Variants in NEK5 observed in about 807,000 individuals in gnomAD.
NEK5 encodes NIMA related kinase 5.
NEK5 carries 88 observed loss-of-function variants against 109.2 expected under a neutral mutation model. That is an observed-to-expected ratio of 0.81 (90% CI 0.68 to 0.96). The LOEUF (loss-of-function observed/expected upper bound fraction) is 0.96. Among genes scored for constraint, NEK5 ranks in the 40% least tolerant of loss-of-function variants. The probability of loss-of-function intolerance (pLI) is 0.00; values close to 1 mark genes in which losing one functional copy is unlikely to be tolerated. For missense variants in NEK5, 834 were observed against 920.7 expected (o/e 0.91, Z 1.22); for synonymous variants, 283 against 299.9 (o/e 0.94, Z 0.58).
chr13:52,085,507 G>C (rs1955124204), intron 16 of NEK5, among the ~76,000 whole-genome samples: 1 of 152,148 alleles, frequency 6.6e-6, no homozygotes, highest in African/African-American at 2.4e-5. Context: ...GAGAAAGAGA[G>C]AGAGAGATCA....
chr13:52,107,320 C>T (rs1332898094), intron 8 of NEK5, among the ~76,000 whole-genome samples: 3 of 151,802 alleles, frequency 2.0e-5, no homozygotes, highest in East Asian at 1.9e-4. Context: ...CAGCCAGGCA[C>T]AGTGGCTCAC....
chr13:52,044,382 A>G (rs912310999), intron 23 of NEK5, among the ~76,000 whole-genome samples: 2 of 152,208 alleles, frequency 1.3e-5, no homozygotes, highest in South Asian at 4.1e-4. Context: ...ATGAAAACTT[A>G]GGTTCACATA....
intron 9 of NEK5, among the ~76,000 whole-genome samples, chr13:52,103,938 C>T (rs1241533994): frequency 3.3e-5 from 5 of 152,096 alleles, no homozygotes; most frequent in South Asian, 2.1e-4. Context: ...TTTTGCTGAA[C>T]GTATCTATTC....
intron 3 of NEK5, among the ~76,000 whole-genome samples, chr13:52,122,839 G>GTC (rs1955996714): frequency 6.6e-6 from 1 of 152,048 alleles, no homozygotes; most frequent in South Asian, 2.1e-4. Context: ...ATTAAAAATA[G>GTC]TCTAGAGAGA....
intron 22 of NEK5, among the ~76,000 whole-genome samples, chr13:52,050,580 G>C (rs2140910455): frequency 6.6e-6 from 1 of 150,570 alleles, no homozygotes; most frequent in East Asian, 1.9e-4. Flanking sequence ...AATGCCTGTA[G>C]GGAAAACCCA....
chr13:52,109,121 G>A (rs1955709522), intron 7 of NEK5, among the ~76,000 whole-genome samples: 1 of 152,084 alleles, frequency 6.6e-6, no homozygotes. Context: ...TTCCAAACAG[G>A]TGCACAAATT....
At chr13:52,059,463 C>G (rs1188874538) in intron 22 of NEK5, among the ~76,000 whole-genome samples, 2 of 129,634 alleles carry the variant, frequency 1.5e-5, no homozygotes, top group Admixed American at 8.4e-5. Flanking sequence ...GGTATATACC[C>G]AAAGGACTAT....
At chr13:52,047,754 G>C (rs1183963246) in intron 23 of NEK5, among the ~76,000 whole-genome samples, 1 of 152,090 alleles carries the variant, frequency 6.6e-6, no homozygotes, top group East Asian at 1.9e-4. Flanking sequence ...TGAGGCAAGA[G>C]GATCACTTGA....
In NEK5 at chr13:52,076,151, T is replaced by A; in HGVS notation, c.1573-8A>T. 6.6e-7 allele frequency: 1 copy of A among 1,520,870 alleles called. No homozygotes were observed. The highest frequency in any genetic ancestry group is 9.1e-7 in the Non-Finnish European group (1 of 1,103,910). 94.2% of individuals were successfully genotyped at this position (1,520,870 alleles called of 1,614,324 possible). A position where few individuals can be genotyped will look rare whatever the true frequency, so the allele number is the denominator to read the frequency against. ...CAAGTCTTTTTCAATGTCCTGAAAATTTAGAGAAAAATACAATTCTCTCAC... is the reference window on the plus strand; with the variant it reads ...CAAGTCTTTTTCAATGTCCTGAAAAATTAGAGAAAAATACAATTCTCTCAC... On this transcript the variant is annotated splice_region_variant and splice_polypyrimidine_tract_variant and intron_variant, in intron 17 of 23. Transcript: ENST00000684899.
intron 21 of NEK5, 54 bp from the exon 22 acceptor site, chr13:52,062,007 T>C: frequency 5.0e-6 from 1 of 199,244 alleles, no homozygotes; most frequent in Non-Finnish European, 9.0e-6. Context: ...GGCATTTGTA[T>C]AAGATCAAAG....
At chr13:52,079,139 A>C (rs908320777) in intron 17 of NEK5, among the ~76,000 whole-genome samples, 9 of 152,228 alleles carry the variant, frequency 5.9e-5, no homozygotes, top group African/African-American at 2.2e-4. Context: ...TGTGCTAGAA[A>C]CTTCACCAGG....
At chr13:52,061,459 T>A (rs1954614134) in intron 22 of NEK5, among the ~76,000 whole-genome samples, 2 of 152,210 alleles carry the variant, frequency 1.3e-5, no homozygotes, top group African/African-American at 4.8e-5. Flanking sequence ...TTATGTTGTA[T>A]TTTTATTGTC....
chr13:52,087,578 T>A (rs1213702891), intron 14 of NEK5, 124 bp from the exon 15 acceptor site: 4 of 528,016 alleles, frequency 7.6e-6, no homozygotes, highest in South Asian at 3.2e-5. Flanking sequence ...TTTGGGAGTT[T>A]TTTTTGTGGT....
Position 52,039,349 on chromosome 13 carries a change from C to G in NEK5, c.2229-2131G>C, listed in dbSNP as rs532116925. ...TTGCCAGTCATCATGGAGGACCCCA[C>G]TAAAACTGGAGACCATAAATTTGGG... On this transcript the variant is annotated intron_variant, in intron 23 of 23. Coordinates refer to ENST00000684899, the MANE Select transcript of NEK5 (RefSeq NM_001365552.1). Among the ~76,000 whole-genome samples the G allele has an allele frequency of 9.9e-4, 150 of 152,266 alleles. 1 individual carries two copies. The highest frequency in any genetic ancestry group is 3.3e-3 in the Admixed American group (51 of 15,296).
rs1256410569 is a variant in NEK5 at position 52,082,284 on chromosome 13, C to CA, written c.1572+975dup. On this transcript the variant is annotated intron_variant, in intron 17 of 23. Transcript: ENST00000684899. ...GAGCCAAGATCGTGCCATTGCACTC[C>CA]AGCCTGGGCAACAAGAGCGAAATTC... The CA allele has an allele frequency of 1.2e-5, 9 of 745,090 alleles. No individual in the cohort carries two copies. The East Asian group carries it at 8.0e-4, about 66-fold the overall frequency. 46.2% of individuals were successfully genotyped at this position (745,090 alleles called of 1,614,324 possible).
At chr13:52,125,436 G>A (rs1168005797) in intron 3 of NEK5, among the ~76,000 whole-genome samples, 2 of 152,126 alleles carry the variant, frequency 1.3e-5, no homozygotes, top group Non-Finnish European at 2.9e-5. Flanking sequence ...GGTGGCGGGC[G>A]CCTGTAGTCC....
chr13:52,051,607 G>A (rs1006221008), intron 22 of NEK5, among the ~76,000 whole-genome samples: 5 of 152,164 alleles, frequency 3.3e-5, no homozygotes, highest in African/African-American at 1.2e-4. Flanking sequence ...AATGGCTGAC[G>A]AGTCACTGAT....
At chr13:52,110,654 G>T in intron 5 of NEK5, 77 bp from the exon 6 acceptor site, 1 of 802,432 alleles carries the variant, frequency 1.2e-6, no homozygotes, top group Non-Finnish European at 2.1e-6. Flanking sequence ...CATGCAAAAA[G>T]ATAGAAATTA....
At chr13:52,085,392 C>T (rs1216271627) in intron 16 of NEK5, among the ~76,000 whole-genome samples, 6 of 152,176 alleles carry the variant, frequency 3.9e-5, no homozygotes, top group Non-Finnish European at 8.8e-5. Flanking sequence ...TGAGAGCAGA[C>T]TAATACAGTA....
Sources: allele counts gnomAD v4.1 joint callset (sites outside exome capture counted in the v4.1 genomes callset), GRCh38; gene constraint gnomAD v4.1.1; transcripts MANE v1.5; gene names NCBI Gene and HGNC (gene_info 2026-07-23, HGNC 2026-07-21).